The following F2RL1 variants were observed in gnomAD, a reference collection of about 807,000 sequenced individuals.
The protein encoded by F2RL1 is proteinase-activated receptor 2.
In F2RL1, 16 loss-of-function variants were observed where a neutral mutation model predicts 21.7. That is an observed-to-expected ratio of 0.74 (90% CI 0.50 to 1.12). The LOEUF (loss-of-function observed/expected upper bound fraction) is 1.12, where lower values mean the gene tolerates loss of function less well. Ranked by LOEUF, F2RL1 falls within the 50% of genes most tolerant of loss-of-function variation. F2RL1 has a pLI of 0.00. For synonymous variants in F2RL1, 181 were observed against 186.7 expected (o/e 0.97, Z 0.25); for missense variants, 432 against 477.8 (o/e 0.90, Z 0.89).
intron 1 of F2RL1, among the ~76,000 whole-genome samples, chr5:76,826,565 G>A (rs1439781902): frequency 6.6e-6 from 1 of 151,574 alleles, no homozygotes; most frequent in African/African-American, 2.4e-5. Context: ...CCAGGCTGGA[G>A]TGCAGTGGTG....
chr5:76,819,960 G>A (rs1181471724), intron 1 of F2RL1, among the ~76,000 whole-genome samples: 4 of 152,188 alleles, frequency 2.6e-5, no homozygotes, highest in African/African-American at 9.7e-5. Context: ...GCTCAGGCCC[G>A]TTGGGCGCCA....
chr5:76,821,443 T>A (rs1039849640), intron 1 of F2RL1, among the ~76,000 whole-genome samples: 4 of 152,108 alleles, frequency 2.6e-5, no homozygotes, highest in Non-Finnish European at 5.9e-5. Context: ...TGGTGTTCAT[T>A]TCAGTCAGCT....
At chr5:76,829,840 T>C (rs1561211607) in intron 1 of F2RL1, among the ~76,000 whole-genome samples, 1 of 152,224 alleles carries the variant, frequency 6.6e-6, no homozygotes, top group Non-Finnish European at 1.5e-5. Flanking sequence ...ATGTGGAATA[T>C]GGTTCTTAGG....
chr5:76,827,138 A>G (rs1750253777), intron 1 of F2RL1, among the ~76,000 whole-genome samples: 1 of 151,454 alleles, frequency 6.6e-6, no homozygotes. Context: ...GGTGAGCACC[A>G]CTGTGCCCAG....
chr5:76,827,278 G>A (rs1311356147), intron 1 of F2RL1, among the ~76,000 whole-genome samples: 1 of 142,126 alleles, frequency 7.0e-6, no homozygotes, highest in African/African-American at 2.7e-5. Flanking sequence ...TCAGGAGATC[G>A]AGACCATCCT....
Position 76,819,265 on chromosome 5 carries a change from G to C in F2RL1, c.82+1G>C. ...CTCTCCTGCAGTGGCACCATCCAAGGTGAGAAACCTGGCCAAGGAGGGCTC... is the reference window on the plus strand; with the variant it reads ...CTCTCCTGCAGTGGCACCATCCAAGCTGAGAAACCTGGCCAAGGAGGGCTC... On this transcript the variant is annotated splice_donor_variant, in intron 1 of 1. Coordinates refer to ENST00000296677, the MANE Select transcript of F2RL1 (RefSeq NM_005242.6). LOFTEE classifies it high-confidence loss of function. 1 of 1,589,070 alleles carries C rather than the reference G, an allele frequency of 6.3e-7. No individual in the cohort carries two copies. The highest frequency in any genetic ancestry group is 2.3e-5 in the East Asian group (1 of 44,340).
intron 1 of F2RL1, among the ~76,000 whole-genome samples, chr5:76,829,419 A>C (rs1750308922): frequency 6.6e-6 from 1 of 151,930 alleles, no homozygotes. Context: ...TTTTTGCCTT[A>C]TAATTTATAT....
chr5:76,830,952 T>C (rs2243056), intron 1 of F2RL1, among the ~76,000 whole-genome samples: 2,685 of 152,214 alleles, frequency 0.018, 80 homozygotes, highest in African/African-American at 0.06. Context: ...CCCCCTGGTA[T>C]ACGGCAGTGC....
chr5:76,823,961 C>T (rs1014671351), intron 1 of F2RL1, among the ~76,000 whole-genome samples: 13 of 151,610 alleles, frequency 8.6e-5, no homozygotes, highest in Non-Finnish European at 1.3e-4. Flanking sequence ...TACAGACGCC[C>T]GCCACCATGC....
rs1319144654 is a variant in F2RL1 at position 76,833,134 on chromosome 5, T to A, written c.527T>A (p.Val176Asp). 1.2e-6 allele frequency: 2 copies of A among 1,614,212 alleles called. No homozygotes were observed. Residue 176 changes from valine (V) to aspartate (D), a missense_variant, in exon 2 of 2, where the codon GTC becomes GAC. Val to Asp is a radical substitution (Grantham distance 152). Coordinates refer to ENST00000296677, the MANE Select transcript of F2RL1 (RefSeq NM_005242.6). ...MTCLSVQRYW[V>D]IVNPMGHSRK... ...TGCCTCAGTGTGCAGAGGTATTGGG[T>A]CATCGTGAACCCCATGGGGCACTCC...
chr5:76,819,034 C>G lies in F2RL1; in HGVS notation c.-149C>G, dbSNP rs2242991. ...CGCTGCTCCTTCGGTTTCCCTGAAA[C>G]CTAACCCGCCCTGGGGAGGCGCGCA... On this transcript the variant is annotated 5_prime_UTR_variant, in exon 1 of 2. Transcript: ENST00000296677. 86,751 of 659,100 alleles carry G rather than the reference C, an allele frequency of 0.13. 6,441 individuals carry two copies. Among genetic ancestry groups the G allele is most frequent in the Non-Finnish European group, 0.16 (61,651 of 394,390 alleles). 40.8% of individuals were successfully genotyped at this position (659,100 alleles called of 1,614,324 possible). A position where few individuals can be genotyped will look rare whatever the true frequency, so the allele number is the denominator to read the frequency against.
At chr5:76,819,899 C>T (rs564976851) in intron 1 of F2RL1, among the ~76,000 whole-genome samples, 2 of 152,238 alleles carry the variant, frequency 1.3e-5, no homozygotes, top group East Asian at 1.9e-4. Flanking sequence ...GTGGAAGGCC[C>T]GGGGTATGAA....
intron 1 of F2RL1, among the ~76,000 whole-genome samples, chr5:76,822,933 T>A (rs1408433315): frequency 6.7e-6 from 1 of 149,830 alleles, no homozygotes; most frequent in Non-Finnish European, 1.5e-5. Context: ...AAAATAAAAA[T>A]TAAATTAAAA....
chr5:76,823,873 C>CGCTA (rs201818356), intron 1 of F2RL1, among the ~76,000 whole-genome samples: 1,699 of 138,382 alleles, frequency 0.012, 37 homozygotes, highest in African/African-American at 0.045. Flanking sequence ...AGTGAAGGGG[C>CGCTA]GCTATCTCAG....
chr5:76,828,189 G>A (rs1380215853), intron 1 of F2RL1, among the ~76,000 whole-genome samples: 9 of 151,530 alleles, frequency 5.9e-5, no homozygotes, highest in South Asian at 2.1e-4. Context: ...GGCTGGTCTC[G>A]AACTCCTGAC....
rs1580928512 is a variant in F2RL1, at chr5:76,819,081, A to G, written c.-102A>G. The G allele has an allele frequency of 1.1e-6, 1 of 928,042 alleles. No homozygotes were observed. The highest frequency in any genetic ancestry group is 1.6e-6 in the Non-Finnish European group (1 of 620,138). 57.5% of individuals were successfully genotyped at this position (928,042 alleles called of 1,614,324 possible). On this transcript the variant is annotated 5_prime_UTR_variant, in exon 1 of 2. Coordinates refer to ENST00000296677, the MANE Select transcript of F2RL1 (RefSeq NM_005242.6). Reference sequence around the variant, plus strand: ...CGCAGCAGAGGCTCCGATTCGGGGCAGGTGAGAGGCTGACTTTCTCTCGGT... The same window carrying G: ...CGCAGCAGAGGCTCCGATTCGGGGCGGGTGAGAGGCTGACTTTCTCTCGGT...
At position 76,819,192 on chromosome 5, in the gene F2RL1, C is replaced by T. The variant is rs756945741; in HGVS notation, c.10C>T (p.Pro4Ser). Reference protein sequence around the residue: MRSPSAAWLLGAAI... With the variant: MRSSSAAWLLGAAI... ...CGGGGCTTCCAGGAGGATGCGGAGC[C>T]CCAGCGCGGCGTGGCTGCTGGGGGC... The change falls in exon 1 of 2, where the codon CCC (proline) becomes TCC (serine). Residue 4 changes from proline (P) to serine (S), a missense_variant. Transcript: ENST00000296677. The T allele has an allele frequency of 2.5e-6, 4 of 1,585,168 alleles. No individual in the cohort carries two copies. The highest frequency in any genetic ancestry group is 2.3e-5 in the East Asian group (1 of 44,224).
chr5:76,828,763 G>A (rs1750294338), intron 1 of F2RL1, among the ~76,000 whole-genome samples: 1 of 151,826 alleles, frequency 6.6e-6, no homozygotes, highest in Non-Finnish European at 1.5e-5. Flanking sequence ...CAAAGCACTG[G>A]GATTATAGGC....
At chr5:76,820,489 A>G (rs1360407527) in intron 1 of F2RL1, among the ~76,000 whole-genome samples, 2 of 152,012 alleles carry the variant, frequency 1.3e-5, no homozygotes, top group Non-Finnish European at 2.9e-5. Flanking sequence ...AAAACTGTGC[A>G]CCGCTGGTAT....
Sources: gnomAD v4.1 joint callset for allele counts (sites outside exome capture counted in the v4.1 genomes callset) on GRCh38, gnomAD v4.1.1 for gene constraint, MANE v1.5 for transcripts, NCBI Gene and HGNC (gene_info 2026-07-23, HGNC 2026-07-21) for gene names.